F8: variants seen among roughly 807,000 people sequenced by gnomAD.
F8 encodes the protein antihemophilic factor.
A neutral mutation model predicts 140.6 loss-of-function variants in F8; 12 were observed. The observed-to-expected ratio is 0.09, with a 90% CI of 0.05 to 0.14. F8 has a LOEUF of 0.14. F8 is among the 10% of genes least tolerant of loss of function. The pLI, the probability that F8 is intolerant of heterozygous loss-of-function variation, is 1.00. For missense variants in F8, 1,354 were observed against 1,720.7 expected (o/e 0.79, Z 3.77); for synonymous variants, 585 against 614.6 (o/e 0.95, Z 0.71).
intron 1 of F8, among the ~76,000 whole-genome samples, chrX:155,017,515 A>G (rs1416468565): frequency 1.8e-5 from 2 of 112,964 alleles, no homozygotes; most frequent in African/African-American, 6.4e-5. Flanking sequence ...TAGATTATCA[A>G]AGATGAAATC....
rs782629747 is a variant in F8 at position 154,982,159 on chromosome X, G to C, written c.787+2528C>G. Among the ~76,000 whole-genome samples the C allele has an allele frequency of 1.2e-4, 13 of 106,920 alleles. 1 individual carries two copies. In the Admixed American group the frequency reaches 1.3e-3, roughly 11 times the overall value. The allele number at this position is 106,920 out of a possible 115,157, so 92.8% of individuals were successfully genotyped here. A position where few individuals can be genotyped will look rare whatever the true frequency, so the allele number is the denominator to read the frequency against. ...AGATTGTGCCACTGCACTCCAGCCT[G>C]GGTGACAGAACAAGACTCCGTCTCA... On this transcript the variant is annotated intron_variant, in intron 6 of 25. Coordinates refer to ENST00000360256, the MANE Select transcript of F8 (RefSeq NM_000132.4).
chrX:154,982,631 A>G (rs2124128730), intron 6 of F8, among the ~76,000 whole-genome samples: 1 of 110,880 alleles, frequency 9.0e-6, no homozygotes, highest in Admixed American at 9.6e-5. Flanking sequence ...GTTGGGACAA[A>G]TGTAAACAAA....
At chrX:154,886,081 C>T (rs2072891973) in intron 22 of F8, 1 of 485,212 alleles carries the variant, frequency 2.1e-6, no homozygotes, top group Non-Finnish European at 3.0e-6. Flanking sequence ...ACCTAGACCA[C>T]TTGCATTGCA....
At chrX:154,848,320 C>T (rs782181970) in intron 25 of F8, among the ~76,000 whole-genome samples, 26 of 112,825 alleles carry the variant, frequency 2.3e-4, no homozygotes, top group African/African-American at 7.7e-4. Flanking sequence ...AGCTGTCAGA[C>T]AGGGACATTT....
intron 13 of F8, among the ~76,000 whole-genome samples, chrX:154,944,213 A>G (rs1486959940): frequency 1.2e-4 from 13 of 110,290 alleles, no homozygotes; most frequent in African/African-American, 4.0e-4. Flanking sequence ...AAAAGAAACT[A>G]CCATCAGAGT....
At chrX:154,968,246 G>A (rs1329530892) in intron 7 of F8, among the ~76,000 whole-genome samples, 2 of 111,418 alleles carry the variant, frequency 1.8e-5, no homozygotes, top group Non-Finnish European at 3.8e-5. Flanking sequence ...CATGGGAGTG[G>A]ATTTGTTATC....
At chrX:154,897,051 G>A (rs1004352816) in intron 21 of F8, among the ~76,000 whole-genome samples, 1 of 112,233 alleles carries the variant, frequency 8.9e-6, no homozygotes, top group Non-Finnish European at 1.9e-5. Context: ...CTCAATCAAT[G>A]TTAGCTTTTA....
chrX:154,961,177 A>G lies in F8; in HGVS notation c.1444-9T>C, dbSNP rs1010060798. ...TGATTCTTAAATATAATCTGAAAGTATAAGCGAGATCTAAGATCAAATCCT... is the reference window on the plus strand; with the variant it reads ...TGATTCTTAAATATAATCTGAAAGTGTAAGCGAGATCTAAGATCAAATCCT... On this transcript the variant is annotated splice_polypyrimidine_tract_variant and intron_variant, in intron 9 of 25. Transcript: ENST00000360256. 2.7e-6 allele frequency: 3 copies of G among 1,100,086 alleles called. No homozygotes were observed. The highest frequency in any genetic ancestry group is 2.5e-4 in the Middle Eastern group (1 of 4,076). The allele number at this position is 1,100,086 out of a possible 1,213,427, so 90.7% of individuals were successfully genotyped here.
chrX:154,934,430 A>T (rs1206061308), intron 13 of F8, among the ~76,000 whole-genome samples: 3 of 111,952 alleles, frequency 2.7e-5, no homozygotes, highest in Admixed American at 1.9e-4. Context: ...TTATACTTTG[A>T]TATGAAAAAC....
At chrX:154,938,183 T>TA (rs1279221491) in intron 13 of F8, among the ~76,000 whole-genome samples, 2 of 111,282 alleles carry the variant, frequency 1.8e-5, no homozygotes, top group Admixed American at 1.9e-4. Context: ...GACAATTCTT[T>TA]AAAAATGTAA....
chrX:154,847,824 G>A (rs2072581335), intron 25 of F8, among the ~76,000 whole-genome samples: 1 of 113,111 alleles, frequency 8.8e-6, no homozygotes, highest in Non-Finnish European at 1.9e-5. Context: ...TTCCGTTGCT[G>A]GCGAGGAGCT....
At chrX:154,974,482 T>C (rs1294159239) in intron 6 of F8, among the ~76,000 whole-genome samples, 1 of 112,161 alleles carries the variant, frequency 8.9e-6, no homozygotes, top group Non-Finnish European at 1.9e-5. Context: ...TCATGGTAAA[T>C]GATCTTTTAA....
chrX:155,003,997 G>A (rs967171475), intron 1 of F8, among the ~76,000 whole-genome samples: 22 of 98,503 alleles, frequency 2.2e-4, no homozygotes, highest in Non-Finnish European at 3.7e-4. Flanking sequence ...AGATGCAAAC[G>A]AGCAAACAAA....
intron 13 of F8, among the ~76,000 whole-genome samples, 189 bp downstream of exon 13, chrX:154,947,509 C>T (rs5987069): frequency 0.01 from 1,131 of 111,262 alleles, 15 homozygotes; most frequent in African/African-American, 0.035. Context: ...AGAACTACTA[C>T]GTGATCCTTC....
rs2072705466 is a variant in F8, at chrX:154,863,063, T to C, written c.6574+20A>G. ...ACCCATGGTTGAGGGAAGAAGGATATGGGATGACTTGGCACTTACTATTTA... is the reference window on the plus strand; with the variant it reads ...ACCCATGGTTGAGGGAAGAAGGATACGGGATGACTTGGCACTTACTATTTA... On this transcript the variant is annotated intron_variant, in intron 23 of 25. Coordinates refer to ENST00000360256, the MANE Select transcript of F8 (RefSeq NM_000132.4). 8.3e-7 allele frequency: 1 copy of C among 1,206,613 alleles called. No individual in the cohort carries two copies. Among genetic ancestry groups the C allele is most frequent in the Non-Finnish European group, 1.1e-6 (1 of 891,060 alleles).
intron 22 of F8, among the ~76,000 whole-genome samples, chrX:154,878,737 C>T (rs905647555): frequency 1.8e-5 from 2 of 111,673 alleles, no homozygotes; most frequent in Non-Finnish European, 3.8e-5. Context: ...TGGAAAACCC[C>T]GAAGAATCCA....
chrX:154,852,652 T>C (rs1223920657), intron 25 of F8, among the ~76,000 whole-genome samples: 2 of 111,459 alleles, frequency 1.8e-5, no homozygotes, highest in Non-Finnish European at 3.8e-5. Flanking sequence ...TCCTCCAACG[T>C]TGTTCTTTTT....
intron 22 of F8, 37 bp downstream of exon 22, chrX:154,896,035 TTAAAG>T: frequency 1.7e-6 from 2 of 1,177,945 alleles, no homozygotes; most frequent in Middle Eastern, 2.4e-4. Flanking sequence ...CCAAAATTCT[TTAAAG>T]TATTCAGGCA....
In F8 at chrX:154,929,476, T is replaced by A; in HGVS notation, c.4314A>T (p.Ala1438=). The A allele has an allele frequency of 8.3e-7, 1 of 1,211,718 alleles. No individual in the cohort carries two copies. The highest frequency in any genetic ancestry group is 1.1e-6 in the Non-Finnish European group (1 of 895,471). The change falls in exon 14 of 26, where the codon GCA becomes GCT. Residue 1438 remains alanine, a synonymous_variant. Transcript: ENST00000360256. ...CCCCAGAATCTTTCTTTCTATAAGA[T>A]GCTGCTGGAAGATGAGAAGAGTTGT... ...FQDNSSHLPA[A]SYRKKDSGVQ...
Sources: gnomAD v4.1 joint callset for allele counts (sites outside exome capture counted in the v4.1 genomes callset) on GRCh38, gnomAD v4.1.1 for gene constraint, MANE v1.5 for transcripts, NCBI Gene and HGNC (gene_info 2026-07-23, HGNC 2026-07-21) for gene names.